Variants in WSCD2 observed in about 807,000 individuals in gnomAD.
WSCD2 encodes WSC domain sialate O sulfotransferase 2.
WSCD2 carries 28 observed loss-of-function variants against 55.7 expected under a neutral mutation model. The ratio of observed to expected loss-of-function variants is 0.50; its 90% CI spans 0.37 to 0.69. The LOEUF (loss-of-function observed/expected upper bound fraction) is 0.69. Ranked by LOEUF, WSCD2 falls within the 30% of genes least tolerant of loss-of-function variation. The pLI is 0.00. For missense variants in WSCD2, 616 were observed against 762.1 expected (o/e 0.81, Z 2.26); for synonymous variants, 301 against 301.9 (o/e 1.00, Z 0.03).
At chr12:108,145,521 G>A (rs1565915438) in intron 1 of WSCD2, among the ~76,000 whole-genome samples, 2 of 152,178 alleles carry the variant, frequency 1.3e-5, no homozygotes, top group Non-Finnish European at 2.9e-5. Context: ...AGAGGCCTTA[G>A]GACCCTCATG....
intron 4 of WSCD2, among the ~76,000 whole-genome samples, chr12:108,216,969 G>A (rs1390486230): frequency 6.6e-6 from 1 of 152,248 alleles, no homozygotes; most frequent in African/African-American, 2.4e-5. Flanking sequence ...AACAGTGCAT[G>A]GGATCTAGCC....
intron 1 of WSCD2, among the ~76,000 whole-genome samples, chr12:108,188,687 G>A (rs1882809913): frequency 6.6e-6 from 1 of 152,060 alleles, no homozygotes; most frequent in African/African-American, 2.4e-5. Flanking sequence ...GGAATTGGGG[G>A]TTATCTACCT....
At chr12:108,231,095 G>A (rs1428046730) in intron 6 of WSCD2, among the ~76,000 whole-genome samples, 1 of 152,172 alleles carries the variant, frequency 6.6e-6, no homozygotes, top group African/African-American at 2.4e-5. Context: ...AGGAGGGAAT[G>A]GAGAACACAT....
At chr12:108,194,364 T>A (rs751881778) in intron 1 of WSCD2, among the ~76,000 whole-genome samples, 3 of 152,122 alleles carry the variant, frequency 2.0e-5, no homozygotes, top group African/African-American at 7.2e-5. Context: ...TGGGCTACCG[T>A]CTGGGGGGCT....
intron 7 of WSCD2, 158 bp downstream of exon 7, chr12:108,233,053 C>G: frequency 2.2e-6 from 2 of 914,702 alleles, no homozygotes. Context: ...TGGTACCCCC[C>G]CACCTTCCTT....
chr12:108,196,082 A>G lies in WSCD2; in HGVS notation c.250A>G (p.Ser84Gly). The G allele has an allele frequency of 6.2e-7, 1 of 1,614,164 alleles. No homozygotes were observed. Among genetic ancestry groups the G allele is most frequent in the Non-Finnish European group, 8.5e-7 (1 of 1,180,032 alleles). The change falls in exon 2 of 9, where the codon AGC becomes GGC. Residue 84 changes from serine (S) to glycine (G), a missense_variant. Ser to Gly is a moderately conservative substitution (Grantham distance 56). This residue lies in a region of WSCD2 where 374 missense variants were observed against 467.4 expected (regional missense o/e 0.80). Coordinates refer to ENST00000547525, the MANE Select transcript of WSCD2 (RefSeq NM_014653.4). ...RGFRDTGEAS[S>G]IARRYGPWFK... ...TTTCCGGGACACAGGTGAAGCCTCA[A>G]GCATTGCTCGCAGGTACGGACCCTG...
intron 1 of WSCD2, among the ~76,000 whole-genome samples, chr12:108,166,787 T>TTCTTTCTTTCTTTCTG (rs1180713499): frequency 9.6e-5 from 14 of 146,240 alleles, no homozygotes; most frequent in African/African-American, 3.4e-4. Flanking sequence ...CTTTCTTTCT[T>TTCTTTCTTTCTTTCTG]TCTGTCTTTC....
chr12:108,209,452 G>A (rs910179091), intron 3 of WSCD2, among the ~76,000 whole-genome samples: 1 of 152,136 alleles, frequency 6.6e-6, no homozygotes, highest in Non-Finnish European at 1.5e-5. Context: ...AAAGAGAGTG[G>A]GGTAGGGGAG....
At chr12:108,153,505 A>G (rs962407095) in intron 1 of WSCD2, among the ~76,000 whole-genome samples, 3 of 152,196 alleles carry the variant, frequency 2.0e-5, no homozygotes, top group Admixed American at 6.5e-5. Context: ...GGTAAGAGTT[A>G]GGGCTTATAA....
chr12:108,184,826 T>A (rs1055090707), intron 1 of WSCD2, among the ~76,000 whole-genome samples: 2 of 152,170 alleles, frequency 1.3e-5, no homozygotes, highest in Non-Finnish European at 2.9e-5. Context: ...TTCATTCAAG[T>A]TTCTCCAAGC....
chr12:108,248,199 C>T lies in WSCD2; in HGVS notation c.1554C>T (p.Phe518=), dbSNP rs370666947. Residue 518 remains phenylalanine (F), a synonymous_variant, in exon 9 of 9, where the codon TTC becomes TTT. Transcript: ENST00000547525. This position sits in a 1 kb window ranked among gnomAD's most constrained non-coding sequence, Gnocchi z 4.3. Reference sequence around the variant, plus strand: ...TGGAGAGCCAGAAGGATGGCAACTTCAAGCGCTCAGGGCTCCGGAAGCTCG... The same window carrying T: ...TGGAGAGCCAGAAGGATGGCAACTTTAAGCGCTCAGGGCTCCGGAAGCTCG... ...LCVESQKDGN[F]KRSGLRKLEY... 6.2e-7 allele frequency: 1 copy of T among 1,614,228 alleles called. No homozygotes were observed. Among genetic ancestry groups the T allele is most frequent in the Non-Finnish European group, 8.5e-7 (1 of 1,180,050 alleles).
chr12:108,132,898 G>A (rs1259744742), intron 1 of WSCD2, among the ~76,000 whole-genome samples: 4 of 152,188 alleles, frequency 2.6e-5, no homozygotes, highest in Non-Finnish European at 5.9e-5. Context: ...GTGCCTCTAT[G>A]TGCATATGTG....
intron 1 of WSCD2, 45 bp downstream of exon 1, chr12:108,129,971 G>C (rs1875314932): frequency 6.6e-6 from 1 of 152,322 alleles, no homozygotes; most frequent in Admixed American, 6.5e-5. Context: ...CTCCAGGAGG[G>C]AGCCGGGCGC....
intron 1 of WSCD2, among the ~76,000 whole-genome samples, chr12:108,150,134 T>A (rs1418994127): frequency 6.6e-6 from 1 of 152,170 alleles, no homozygotes; most frequent in Non-Finnish European, 1.5e-5. Flanking sequence ...GTGTTATTAT[T>A]ACCCTCATTT....
At chr12:108,181,786 A>G (rs2374969) in intron 1 of WSCD2, among the ~76,000 whole-genome samples, 117,217 of 152,098 alleles carry the variant, frequency 0.77, 45,818 homozygotes, top group East Asian at 0.9. Context: ...CTCACCTTCC[A>G]CCAAGCCATA....
At position 108,240,331 on chromosome 12, in the gene WSCD2, T is replaced by G. The variant is rs774748210; in HGVS notation, c.1145-13T>G. ...GCTCACCAGTCCTGTTCCTCACCTC[T>G]GGCTGCGGGAAGGGTTTAAAGGTGA... On this transcript the variant is annotated splice_polypyrimidine_tract_variant and intron_variant, in intron 7 of 8. Transcript: ENST00000547525. 1 of 1,613,702 alleles carries G rather than the reference T, an allele frequency of 6.2e-7. No individual in the cohort carries two copies. Among genetic ancestry groups the G allele is most frequent in the Non-Finnish European group, 8.5e-7 (1 of 1,180,002 alleles).
At chr12:108,139,626 C>T (rs1876576773) in intron 1 of WSCD2, among the ~76,000 whole-genome samples, 8 of 152,050 alleles carry the variant, frequency 5.3e-5, no homozygotes, top group Admixed American at 5.2e-4. Context: ...CTCAGTTTCT[C>T]ATCTGTAAAA....
Position 108,206,354 on chromosome 12 carries a change from G to C in WSCD2, c.448G>C (p.Asp150His). The C allele has an allele frequency of 6.2e-7, 1 of 1,614,066 alleles. No homozygotes were observed. Among genetic ancestry groups the C allele is most frequent in the Non-Finnish European group, 8.5e-7 (1 of 1,179,994 alleles). Residue 150 changes from aspartate (D) to histidine (H), a missense_variant, in exon 3 of 9, where the codon GAC becomes CAC. Around this residue, in one of 3 missense-constraint regions of WSCD2, gnomAD observed 374 missense variants for 467.4 expected, o/e 0.80. Coordinates refer to ENST00000547525, the MANE Select transcript of WSCD2 (RefSeq NM_014653.4). ...SRALRGVSFF[D>H]YKKMTIFRCQ... is the part of the protein sequence containing the mutation. Reference sequence around the variant, plus strand: ...GGCCCTTCGAGGAGTGTCCTTTTTTGACTACAAAAAGATGACCATCTTCCG... The same window carrying C: ...GGCCCTTCGAGGAGTGTCCTTTTTTCACTACAAAAAGATGACCATCTTCCG...
intron 1 of WSCD2, among the ~76,000 whole-genome samples, chr12:108,193,470 G>A (rs1883451869): frequency 6.6e-6 from 1 of 152,222 alleles, no homozygotes; most frequent in Non-Finnish European, 1.5e-5. Context: ...ATGGATGGAT[G>A]GATGGGCTGC....
Sources: allele counts gnomAD v4.1 joint callset (sites outside exome capture counted in the v4.1 genomes callset), GRCh38; gene constraint gnomAD v4.1.1; regional missense constraint gnomAD v4.1.1; non-coding constraint Gnocchi (gnomAD v3.1); transcripts MANE v1.5; gene names NCBI Gene and HGNC (gene_info 2026-07-23, HGNC 2026-07-21).